The following GSE1 variants were observed in gnomAD, a reference collection of about 807,000 sequenced individuals.
GSE1 encodes Gse1 coiled-coil protein, also known as genetic suppressor element 1.
GSE1 carries 32 observed loss-of-function variants against 112.6 expected under a neutral mutation model. That is an observed-to-expected ratio of 0.28 (90% CI 0.21 to 0.38). The LOEUF is 0.38. Ranked by LOEUF, GSE1 falls within the 10% of genes least tolerant of loss-of-function variation. The pLI, the probability that GSE1 is intolerant of heterozygous loss-of-function variation, is 1.00. For missense variants in GSE1, 2,348 were observed against 1,699.2 expected (o/e 1.38, Z -6.71); for synonymous variants, 1,115 against 735.6 (o/e 1.52, Z -8.35).
intron 7 of GSE1, 80 bp downstream of exon 7, chr16:85,656,745 G>T (rs1598630229): frequency 7.0e-7 from 1 of 1,433,788 alleles, no homozygotes; most frequent in East Asian, 2.5e-5. Flanking sequence ...GCACCTGCCG[G>T]TTGCCGTGGT....
intron 1 of GSE1, among the ~76,000 whole-genome samples, chr16:85,297,300 A>C (rs1019361653): frequency 6.6e-6 from 1 of 151,228 alleles, no homozygotes; most frequent in African/African-American, 2.5e-5. Context: ...CCTCAGGCCC[A>C]CCAGTGAAGT....
At chr16:85,335,545 G>C (rs944824398) in intron 1 of GSE1, among the ~76,000 whole-genome samples, 1 of 152,214 alleles carries the variant, frequency 6.6e-6, no homozygotes, top group African/African-American at 2.4e-5. Context: ...GCGTGGGTTT[G>C]TGGGGTGAGG....
At chr16:85,666,705 G>A (rs1018875353) in intron 13 of GSE1, 17 of 257,968 alleles carry the variant, frequency 6.6e-5, no homozygotes, top group African/African-American at 1.2e-4. Context: ...ATTTTTACCC[G>A]CATTCATTTG....
At chr16:85,619,237 A>G (rs1440131312) in intron 1 of GSE1, among the ~76,000 whole-genome samples, 6 of 152,144 alleles carry the variant, frequency 3.9e-5, no homozygotes, top group Non-Finnish European at 4.4e-5. Context: ...ATGCTTTAAC[A>G]AACTGTCCCT....
At chr16:85,391,089 C>A (rs1293361755) in intron 2 of GSE1, among the ~76,000 whole-genome samples, 1 of 152,116 alleles carries the variant, frequency 6.6e-6, no homozygotes, top group Non-Finnish European at 1.5e-5. Context: ...CAGGCACCGC[C>A]CCCCCACCGC....
At chr16:85,312,183 G>A (rs952923031) in intron 1 of GSE1, among the ~76,000 whole-genome samples, 4 of 139,568 alleles carry the variant, frequency 2.9e-5, no homozygotes, top group Admixed American at 2.2e-4. Flanking sequence ...CAATCCCTCT[G>A]TGGTCTCTCT....
At chr16:85,532,405 C>A (rs1218087423) in intron 2 of GSE1, among the ~76,000 whole-genome samples, 1 of 152,182 alleles carries the variant, frequency 6.6e-6, no homozygotes, top group African/African-American at 2.4e-5. Flanking sequence ...GAACCACAAG[C>A]ATACGCCACC....
chr16:85,420,262 G>T (rs1396798669), intron 2 of GSE1, among the ~76,000 whole-genome samples: 1 of 152,124 alleles, frequency 6.6e-6, no homozygotes, highest in Admixed American at 6.5e-5. Context: ...GTTTTGCCCT[G>T]TCGCCCAGGT....
chr16:85,287,827 G>A (rs1361046351), intron 1 of GSE1, among the ~76,000 whole-genome samples: 6 of 152,160 alleles, frequency 3.9e-5, no homozygotes, highest in Non-Finnish European at 7.3e-5. Context: ...TAAAGGAGCC[G>A]CAGGAGCTCC....
At chr16:85,186,118 G>A (rs1192144773) in intron 1 of GSE1, among the ~76,000 whole-genome samples, 2 of 152,194 alleles carry the variant, frequency 1.3e-5, no homozygotes, top group African/African-American at 4.8e-5. Flanking sequence ...GCTGCCTTGG[G>A]AGACTGACCC....
chr16:85,455,429 A>T (rs1463584144), intron 2 of GSE1, among the ~76,000 whole-genome samples: 1 of 152,178 alleles, frequency 6.6e-6, no homozygotes, highest in Non-Finnish European at 1.5e-5. Flanking sequence ...AAGAAAAGAA[A>T]AAAGAAACTC....
At chr16:85,590,112 G>A (rs1315698193) in intron 1 of GSE1, among the ~76,000 whole-genome samples, 1 of 152,094 alleles carries the variant, frequency 6.6e-6, no homozygotes, top group Non-Finnish European at 1.5e-5. Context: ...GAACATTTGT[G>A]CAATTGAACG....
intron 2 of GSE1, among the ~76,000 whole-genome samples, chr16:85,537,956 G>A (rs554935880): frequency 8.5e-5 from 13 of 152,312 alleles, no homozygotes; most frequent in African/African-American, 3.1e-4. Flanking sequence ...CTGGAGCAGG[G>A]GTGGACGGAA....
At chr16:85,611,092 G>T (rs941897280), upstream of GSE1, among the ~76,000 whole-genome samples, 5 of 152,256 alleles carry the variant, frequency 3.3e-5, no homozygotes, top group Non-Finnish European at 5.9e-5. Flanking sequence ...AGACCTGGAG[G>T]TGGGGCCTAG....
chr16:85,252,145 A>G (rs986141307), intron 1 of GSE1, among the ~76,000 whole-genome samples: 6 of 152,208 alleles, frequency 3.9e-5, no homozygotes, highest in African/African-American at 1.4e-4. Context: ...GGAGCTTCGT[A>G]CTGAGTAGAT....
chr16:85,285,795 G>A (rs2045007252), intron 1 of GSE1: 1 of 152,140 alleles, frequency 6.6e-6, no homozygotes, highest in African/African-American at 2.4e-5. Context: ...TGTGATCCCT[G>A]TCCACAGTAA....
chr16:85,252,533 G>T (rs755892728), intron 1 of GSE1, among the ~76,000 whole-genome samples: 1 of 152,244 alleles, frequency 6.6e-6, no homozygotes, highest in Non-Finnish European at 1.5e-5. Flanking sequence ...GCACTCTGGG[G>T]AACCCAGTTT....
intron 1 of GSE1, among the ~76,000 whole-genome samples, chr16:85,620,646 G>GGT: frequency 6.6e-6 from 1 of 152,272 alleles, no homozygotes; most frequent in Non-Finnish European, 1.5e-5. Flanking sequence ...ACAGGGTTTC[G>GGT]GAATCAGCCC....
chr16:85,331,710 T>A lies in GSE1; in HGVS notation c.2284-25753T>A, dbSNP rs1175396971. 2.9e-3 allele frequency among the ~76,000 whole-genome samples: 150 copies of A among 51,818 alleles called. 2 individuals are homozygous for A. The highest frequency in any genetic ancestry group is 0.012 in the East Asian group (7 of 574). 34.0% of individuals were successfully genotyped at this position (51,818 alleles called of 152,430 possible). A position where few individuals can be genotyped will look rare whatever the true frequency, so the allele number is the denominator to read the frequency against. On this transcript the variant is annotated intron_variant, in intron 1 of 2. Coordinates refer to the GSE1 transcript ENST00000637419. ...GTATATATATATATATATATATATTTTTTTTTTTTTTTTTTTTAGTTAAGA... is the reference window on the plus strand; with the variant it reads ...GTATATATATATATATATATATATTATTTTTTTTTTTTTTTTTAGTTAAGA...
Sources: gnomAD v4.1 joint callset for allele counts (sites outside exome capture counted in the v4.1 genomes callset) on GRCh38, gnomAD v4.1.1 for gene constraint, MANE v1.5 for transcripts, NCBI Gene and HGNC (gene_info 2026-07-23, HGNC 2026-07-21) for gene names.